The following PMM2 variants were observed in gnomAD, a reference collection of about 807,000 sequenced individuals.
PMM2 encodes the protein mannose-6-phosphate isomerase.
Under a neutral mutation model 33.2 loss-of-function variants are expected in PMM2, and 35 were observed. That is an observed-to-expected ratio of 1.06 (90% CI 0.81 to 1.40). PMM2 has a LOEUF of 1.40. PMM2 is among the 40% of genes most tolerant of loss of function. The pLI, the probability that PMM2 is intolerant of heterozygous loss-of-function variation, is 0.00. For missense variants in PMM2, 386 were observed against 306.0 expected, an observed-to-expected ratio of 1.26 and a Z score of -1.95; for synonymous variants, 153 against 114.7, an observed-to-expected ratio of 1.33 and a Z score of -2.13.
chr16:8,833,660 T>C (rs936364355), intron 7 of PMM2, among the ~76,000 whole-genome samples: 2 of 150,778 alleles, frequency 1.3e-5, no homozygotes, highest in African/African-American at 4.9e-5. Flanking sequence ...TAAGGGGTGA[T>C]ATTGTGGGGA....
At chr16:8,838,877 C>T in intron 7 of PMM2, among the ~76,000 whole-genome samples, 1 of 151,784 alleles carries the variant, frequency 6.6e-6, no homozygotes, top group Non-Finnish European at 1.5e-5. Flanking sequence ...TAGGTAAAAA[C>T]AACACTCTTC....
intron 7 of PMM2, among the ~76,000 whole-genome samples, chr16:8,835,580 C>T (rs1308131115): frequency 6.6e-6 from 1 of 151,742 alleles, no homozygotes; most frequent in African/African-American, 2.4e-5. Flanking sequence ...GGGTTTGGCA[C>T]CACGGGGTGG....
intron 6 of PMM2, among the ~76,000 whole-genome samples, chr16:8,812,682 C>T (rs3826198): frequency 6.6e-6 from 1 of 152,060 alleles, no homozygotes; most frequent in South Asian, 2.1e-4. Context: ...GGCTGGTATC[C>T]GATTTTTCAT....
At chr16:8,845,627 G>GA (rs1449067160) in intron 7 of PMM2, among the ~76,000 whole-genome samples, 1 of 151,574 alleles carries the variant, frequency 6.6e-6, no homozygotes, top group African/African-American at 2.4e-5. Context: ...TGCCCAGGCT[G>GA]AAGTACAGTG....
chr16:8,847,458 G>T (rs1327230980), intron 7 of PMM2, among the ~76,000 whole-genome samples: 1 of 151,500 alleles, frequency 6.6e-6, no homozygotes, highest in Non-Finnish European at 1.5e-5. Flanking sequence ...GCCTTAGACA[G>T]ATCTTCGCAA....
intron 7 of PMM2, among the ~76,000 whole-genome samples, chr16:8,837,044 C>A (rs998854637): frequency 2.6e-5 from 4 of 151,886 alleles, no homozygotes; most frequent in Admixed American, 6.6e-5. Flanking sequence ...AGAATTGGAA[C>A]CTAGCTCAGC....
At position 8,848,293 on chromosome 16, in the gene PMM2, G is replaced by T. The variant is rs2060942452; in HGVS notation, c.*468G>T. 1 of 192,578 alleles carries T rather than the reference G, an allele frequency of 5.2e-6. No homozygotes were observed. Among genetic ancestry groups the T allele is most frequent in the Non-Finnish European group, 1.1e-5 (1 of 91,368 alleles). The allele number at this position is 192,578 out of a possible 1,614,324, so 11.9% of individuals were successfully genotyped here. A position where few individuals can be genotyped will look rare whatever the true frequency, so the allele number is the denominator to read the frequency against. ...AGGACAGGCCATCTGCAGTGACCCA[G>T]CCCAGGACGAAGTTTACAAACACCT... On this transcript the variant is annotated 3_prime_UTR_variant, in exon 8 of 8. Coordinates refer to ENST00000268261, the MANE Select transcript of PMM2 (RefSeq NM_000303.3).
At chr16:8,831,066 G>A (rs1184897260) in intron 7 of PMM2, among the ~76,000 whole-genome samples, 1 of 152,124 alleles carries the variant, frequency 6.6e-6, no homozygotes, top group Non-Finnish European at 1.5e-5. Context: ...TTGAACCTGG[G>A]AGGCAGAGAT....
At chr16:8,819,796 G>T (rs1278869506) in intron 7 of PMM2, among the ~76,000 whole-genome samples, 1 of 152,088 alleles carries the variant, frequency 6.6e-6, no homozygotes, top group Non-Finnish European at 1.5e-5. Flanking sequence ...ACCCTGAGCT[G>T]GACACTTATG....
At chr16:8,829,713 CA>C (rs1218674943) in intron 7 of PMM2, among the ~76,000 whole-genome samples, 1 of 152,130 alleles carries the variant, frequency 6.6e-6, no homozygotes, top group African/African-American at 2.4e-5. Flanking sequence ...GCAGCCCTGT[CA>C]AACTTCCGAG....
At chr16:8,844,162 G>A (rs1192602943) in intron 7 of PMM2, among the ~76,000 whole-genome samples, 2 of 152,006 alleles carry the variant, frequency 1.3e-5, no homozygotes, top group East Asian at 1.9e-4. Flanking sequence ...GGGGTCAAGC[G>A]GCATTGCAGA....
intron 7 of PMM2, among the ~76,000 whole-genome samples, chr16:8,817,139 G>A (rs1222253899): frequency 6.6e-6 from 1 of 152,180 alleles, no homozygotes; most frequent in African/African-American, 2.4e-5. Context: ...CTCTCAGTGG[G>A]GTAGAAAGAT....
chr16:8,831,155 A>G (rs1033532618), intron 7 of PMM2, among the ~76,000 whole-genome samples: 1 of 152,192 alleles, frequency 6.6e-6, no homozygotes, highest in African/African-American at 2.4e-5. Context: ...AAAAAAAACA[A>G]AGTTGAACTA....
chr16:8,809,780 A>C (rs1317556413), intron 4 of PMM2: 1 of 146,464 alleles, frequency 6.8e-6, no homozygotes, highest in Non-Finnish European at 1.5e-5. Context: ...CCGTGGAAAA[A>C]AACTCTTTGT....
At chr16:8,822,269 G>A (rs1389638280) in intron 7 of PMM2, among the ~76,000 whole-genome samples, 1 of 152,176 alleles carries the variant, frequency 6.6e-6, no homozygotes, top group African/African-American at 2.4e-5. Context: ...ACCTGTCTGT[G>A]TGGCATCAGA....
At chr16:8,844,529 C>G (rs1346759765) in intron 7 of PMM2, among the ~76,000 whole-genome samples, 1 of 151,996 alleles carries the variant, frequency 6.6e-6, no homozygotes, top group Non-Finnish European at 1.5e-5. Flanking sequence ...GGGGTAGAGA[C>G]ACGGAAAGAA....
chr16:8,803,164 A>G (rs1402573045), intron 2 of PMM2, among the ~76,000 whole-genome samples: 2 of 152,334 alleles, frequency 1.3e-5, no homozygotes, highest in South Asian at 2.1e-4. Context: ...GTTCTCAAAG[A>G]TGTAATATGT....
intron 3 of PMM2, among the ~76,000 whole-genome samples, chr16:8,805,323 C>G (rs1256753882): frequency 1.3e-5 from 2 of 152,202 alleles, no homozygotes; most frequent in Non-Finnish European, 2.9e-5. Context: ...CCACCTCAGC[C>G]TCCCAGAGTG....
chr16:8,835,304 A>G (rs746219772), intron 7 of PMM2, among the ~76,000 whole-genome samples: 3 of 151,864 alleles, frequency 2.0e-5, no homozygotes, highest in Non-Finnish European at 4.4e-5. Context: ...CAGGGAGAGC[A>G]CGTGTGTTTT....
Sources: allele counts gnomAD v4.1 joint callset (sites outside exome capture counted in the v4.1 genomes callset), GRCh38; gene constraint gnomAD v4.1.1; transcripts MANE v1.5; gene names NCBI Gene and HGNC (gene_info 2026-07-23, HGNC 2026-07-21).